HPS4: variants seen among roughly 807,000 people sequenced by gnomAD.
HPS4 encodes HPS4 biogenesis of lysosomal organelles complex 3 subunit 2.
HPS4 carries 44 observed loss-of-function variants against 70.3 expected under a neutral mutation model. The observed-to-expected ratio is 0.63, with a 90% CI of 0.49 to 0.80. The LOEUF (loss-of-function observed/expected upper bound fraction) is 0.80. Among genes scored for constraint, HPS4 ranks in the 30% least tolerant of loss-of-function variants. The pLI is 0.00. For synonymous variants in HPS4, 377 were observed against 355.9 expected, an observed-to-expected ratio of 1.06 and a Z score of -0.67; for missense variants, 873 against 884.4, an observed-to-expected ratio of 0.99 and a Z score of 0.16.
In HPS4 at chr22:26,472,959, G is replaced by C. The variant is rs760582817; in HGVS notation, c.277-20C>G. The C allele has an allele frequency of 1.2e-6, 2 of 1,606,622 alleles. No homozygotes were observed. Among genetic ancestry groups the C allele is most frequent in the South Asian group, 2.2e-5 (2 of 90,926 alleles). On this transcript the variant is annotated intron_variant, in intron 4 of 13. Coordinates refer to ENST00000398145, the MANE Select transcript of HPS4 (RefSeq NM_022081.6). ...CAGCACCTGTAAAGAGAGAAACCAG[G>C]AAGACAAGCATCTTCCTTCTCTTTG...
Position 26,482,005 on chromosome 22 carries a change from AACTATAAC to A in HPS4, c.-251_-244del. The A allele has an allele frequency of 5.5e-6, 3 of 540,950 alleles. No individual in the cohort carries two copies. 33.5% of individuals were successfully genotyped at this position (540,950 alleles called of 1,614,324 possible). On this transcript the variant is annotated 5_prime_UTR_variant, in exon 2 of 14. The change abolishes the stop of an existing upstream ORF in the 5' untranslated region. Transcript: ENST00000398145. ...CCATGCCTCTTACAACTCAGGGAGA[AACTATAAC>A]AGAGAATCCTAGCAGAAAAGTCAAA...
At position 26,458,561 on chromosome 22, in the gene HPS4, G is replaced by C. The variant is rs2086636499; in HGVS notation, c.1730C>G (p.Ala577Gly). The change falls in exon 12 of 14, where the codon GCT (alanine) becomes GGT (glycine). Residue 577 changes from alanine (A) to glycine (G), a missense_variant. Coordinates refer to ENST00000398145, the MANE Select transcript of HPS4 (RefSeq NM_022081.6). ...GTGGACTTCCAGCCCATTCAGTGAA[G>C]CCAGGCTGCTGTGGTACTGCAAAGG... ...AIEEVYHSSL[A>G]SLNGLEVHLK... 2 of 1,614,130 alleles carry C rather than the reference G, an allele frequency of 1.2e-6. No homozygotes were observed. The highest frequency in any genetic ancestry group is 1.7e-6 in the Non-Finnish European group (2 of 1,180,004).
intron 2 of HPS4, 155 bp from the exon 3 acceptor site, chr22:26,479,510 A>G: frequency 6.9e-7 from 1 of 1,452,962 alleles, no homozygotes; most frequent in Non-Finnish European, 9.0e-7. Flanking sequence ...GTAGCTACAA[A>G]TTAGATAAAA....
chr22:26,467,385 A>G (rs947853849), intron 8 of HPS4: 17 of 152,396 alleles, frequency 1.1e-4, no homozygotes, highest in African/African-American at 4.1e-4. Flanking sequence ...CCCACAGGCC[A>G]TAATTTGCCA....
At chr22:26,472,976 T>C (rs1379476387) in intron 4 of HPS4, 37 bp from the exon 5 acceptor site, 1 of 1,584,712 alleles carries the variant, frequency 6.3e-7, no homozygotes, top group East Asian at 2.2e-5. Flanking sequence ...AGCATCTTCC[T>C]TCTCTTTGAG....
chr22:26,456,848 C>T (rs1311859582), intron 13 of HPS4, among the ~76,000 whole-genome samples: 1 of 152,082 alleles, frequency 6.6e-6, no homozygotes, highest in Non-Finnish European at 1.5e-5. Flanking sequence ...AACTCCCTTT[C>T]TGGTTTCATA....
intron 8 of HPS4, 107 bp from the exon 9 acceptor site, chr22:26,466,369 A>G (rs2088624202): frequency 1.6e-6 from 2 of 1,282,196 alleles, no homozygotes; most frequent in South Asian, 2.5e-5. Flanking sequence ...AGCCAGGCCC[A>G]GAAAGCTTGT....
In HPS4 at chr22:26,468,163, A is replaced by C. The variant is rs13054022; in HGVS notation, c.669+388T>G. 1,281 of 258,080 alleles carry C rather than the reference A, an allele frequency of 5.0e-3. 5 individuals carry two copies. The highest frequency in any genetic ancestry group is 7.6e-3 in the Non-Finnish European group (983 of 128,994). 16.0% of individuals were successfully genotyped at this position (258,080 alleles called of 1,614,324 possible). A position where few individuals can be genotyped will look rare whatever the true frequency, so the allele number is the denominator to read the frequency against. Reference sequence around the variant, plus strand: ...AGTGATCTGCCCACCTCAGCCACCCAAAGTGCTGGGATTACAGGTGTGAAC... The same window carrying C: ...AGTGATCTGCCCACCTCAGCCACCCCAAGTGCTGGGATTACAGGTGTGAAC... On this transcript the variant is annotated intron_variant, in intron 8 of 13. Coordinates refer to ENST00000398145, the MANE Select transcript of HPS4 (RefSeq NM_022081.6).
At chr22:26,446,239 T>C (rs531136482), downstream of HPS4, among the ~76,000 whole-genome samples, 8 of 151,996 alleles carry the variant, frequency 5.3e-5, no homozygotes, top group Non-Finnish European at 8.8e-5. Flanking sequence ...CCAGACCAAT[T>C]ACTATTTGTA....
rs771897462 is a variant in HPS4, at chr22:26,476,971, C to T, written c.276+22G>A. Reference sequence around the variant, plus strand: ...AACTTATCATTGCAACACTTCAGCACTGATTCTGCCATTCAACTTACCCAA... The same window carrying T: ...AACTTATCATTGCAACACTTCAGCATTGATTCTGCCATTCAACTTACCCAA... On this transcript the variant is annotated intron_variant, in intron 4 of 13. Coordinates refer to ENST00000398145, the MANE Select transcript of HPS4 (RefSeq NM_022081.6). The T allele has an allele frequency of 2.5e-6, 4 of 1,613,104 alleles. No individual in the cohort carries two copies. The South Asian group carries it at 3.3e-5, about 13-fold the overall frequency.
rs565344683 is a variant in HPS4 at position 26,470,599 on chromosome 22, C to T, written c.596+120G>A. On this transcript the variant is annotated intron_variant, in intron 7 of 13. Coordinates refer to ENST00000398145, the MANE Select transcript of HPS4 (RefSeq NM_022081.6). ...CAAATCTAAACTACCTGATATTTGC[C>T]GAACCAGCCCACTTGGAACTGGCCA... 1.4e-5 allele frequency: 13 copies of T among 938,346 alleles called. No homozygotes were observed. The African/African-American group carries it at 1.5e-4, about 11-fold the overall frequency. 58.1% of individuals were successfully genotyped at this position (938,346 alleles called of 1,614,324 possible). A position where few individuals can be genotyped will look rare whatever the true frequency, so the allele number is the denominator to read the frequency against.
Position 26,464,648 on chromosome 22 carries a change from A to C in HPS4, c.982T>G (p.Leu328Val). The stretch of plus-strand genomic sequence containing the variant: ...ATGCTCTCCAGATCATGGCCAGACA[A>C]GCATCCGTTCTCCTTCCTGCCATCT... ...CPDGRKENGC[L>V]SGHDLESIRP... The change falls in exon 11 of 14, where the codon TTG becomes GTG. Residue 328 changes from leucine to valine, a missense_variant. Leu to Val is a conservative substitution (Grantham distance 32). Transcript: ENST00000398145. 1 of 1,613,418 alleles carries C rather than the reference A, an allele frequency of 6.2e-7. No homozygotes were observed. Among genetic ancestry groups the C allele is most frequent in the Non-Finnish European group, 8.5e-7 (1 of 1,179,334 alleles).
Position 26,464,196 on chromosome 22 carries a change from C to CT in HPS4, c.1433dup (p.Arg479GlufsTer14). ...CCCCCGTGGGAAGCTTGTTTCCTCTCTGTCCTGGATCTAAGCGAGGCAATA... is the reference window on the plus strand; with the variant it reads ...CCCCCGTGGGAAGCTTGTTTCCTCTCTTGTCCTGGATCTAAGCGAGGCAATA... On this transcript the variant is annotated frameshift_variant, in exon 11 of 14. Transcript: ENST00000398145. LOFTEE classifies it high-confidence loss of function. 6.2e-7 allele frequency: 1 copy of CT among 1,614,252 alleles called. No homozygotes were observed. The highest frequency in any genetic ancestry group is 8.5e-7 in the Non-Finnish European group (1 of 1,180,056).
rs386395106 is a variant in HPS4, at chr22:26,457,210, C to CCTTTTTTTTTTTTTTTTTTTTTTTTT, written c.1955+648_1955+649insAAAAAAAAAAAAAAAAAAAAAAAAAG. ...ATGACTGTATGATCAGCACGTATTACTTTTTTTTTTTTTTTTTTTTTTCTG... is the reference window on the plus strand; with the variant it reads ...ATGACTGTATGATCAGCACGTATTACCTTTTTTTTTTTTTTTTTTTTTTTTTTTTTTTTTTTTTTTTTTTTTTTCTG... On this transcript the variant is annotated intron_variant, in intron 13 of 13. Transcript: ENST00000398145. Among the ~76,000 whole-genome samples the CCTTTTTTTTTTTTTTTTTTTTTTTTT allele has an allele frequency of 3.1e-4, 8 of 25,554 alleles. 3 individuals are homozygous for CCTTTTTTTTTTTTTTTTTTTTTTTTT. The highest frequency in any genetic ancestry group is 5.3e-4 in the Non-Finnish European group (4 of 7,608). 16.8% of individuals were successfully genotyped at this position (25,554 alleles called of 152,430 possible).
In HPS4 at chr22:26,457,881, C is replaced by A. The variant is rs538187229; in HGVS notation, c.1933G>T (p.Ala645Ser). The change falls in exon 13 of 14, where the codon GCG becomes TCG. Residue 645 changes from alanine to serine, a missense_variant. Physicochemically the swap from Ala to Ser is moderately conservative, Grantham distance 99. Transcript: ENST00000398145. ...CACCTGACAGTCATTTCATAAAGCGCGGGCAGCTGGGCAAATTCGCTATGC... is the reference window on the plus strand; with the variant it reads ...CACCTGACAGTCATTTCATAAAGCGAGGGCAGCTGGGCAAATTCGCTATGC... ...LMHSEFAQLP[A>S]LYEMTVRNAS... is the part of the protein sequence containing the mutation. The A allele has an allele frequency of 3.1e-6, 5 of 1,614,184 alleles. No individual in the cohort carries two copies. The Admixed American group carries it at 6.7e-5, about 22-fold the overall frequency.
At chr22:26,482,459 A>G (rs1390096852) in intron 1 of HPS4, among the ~76,000 whole-genome samples, 1 of 152,222 alleles carries the variant, frequency 6.6e-6, no homozygotes, top group Non-Finnish European at 1.5e-5. Flanking sequence ...GATAAAATCA[A>G]ATGACAGGGT....
At chr22:26,456,214 A>C (rs2086111941) in intron 13 of HPS4, among the ~76,000 whole-genome samples, 1 of 152,210 alleles carries the variant, frequency 6.6e-6, no homozygotes, top group Admixed American at 6.5e-5. Flanking sequence ...CTGCCCCGAC[A>C]CTGAAATGTG....
intron 1 of HPS4, among the ~76,000 whole-genome samples, 189 bp from the exon 2 acceptor site, chr22:26,482,429 ACAC>A (rs2091377922): frequency 6.6e-6 from 1 of 152,220 alleles, no homozygotes; most frequent in Admixed American, 6.5e-5. Flanking sequence ...TAAGGGAAAC[ACAC>A]CACAAGCTTC....
At chr22:26,478,549 T>G in intron 3 of HPS4, among the ~76,000 whole-genome samples, 1 of 120,008 alleles carries the variant, frequency 8.3e-6, no homozygotes, top group Admixed American at 1.1e-4. Context: ...CCACCCTGGG[T>G]GACAGAGTGA....
Sources: gnomAD v4.1 joint callset for allele counts (sites outside exome capture counted in the v4.1 genomes callset) on GRCh38, gnomAD v4.1.1 for gene constraint, MANE v1.5 for transcripts, NCBI Gene and HGNC (gene_info 2026-07-23, HGNC 2026-07-21) for gene names.